SSUH2: variants seen among roughly 807,000 people sequenced by gnomAD.
SSUH2 encodes protein SSUH2 homolog.
Under a neutral mutation model 55.3 loss-of-function variants are expected in SSUH2, and 47 were observed. That is an observed-to-expected ratio of 0.85 (90% CI 0.67 to 1.08). The LOEUF is 1.08. Ranked by LOEUF, SSUH2 falls within the 50% of genes least tolerant of loss-of-function variation. The pLI is 0.00. For missense variants in SSUH2, 535 were observed against 490.7 expected, an observed-to-expected ratio of 1.09 and a Z score of -0.85; for synonymous variants, 212 against 191.5, an observed-to-expected ratio of 1.11 and a Z score of -0.89.
chr3:8,665,536 T>A (rs138763004), intron 5 of SSUH2, among the ~76,000 whole-genome samples: 5 of 152,294 alleles, frequency 3.3e-5, no homozygotes, highest in Admixed American at 2.6e-4. Context: ...ACTCAAGTCT[T>A]AGTTAAGAAA....
chr3:8,635,938 G>A (rs1699854610), intron 1 of SSUH2, 81 bp from the exon 2 acceptor site: 1 of 1,236,012 alleles, frequency 8.1e-7, no homozygotes. Flanking sequence ...GAGAAATTAG[G>A]GCGGGTGCAT....
chr3:8,633,574 TG>T, intron 4 of SSUH2, 91 bp downstream of exon 4: 2 of 1,105,546 alleles, frequency 1.8e-6, no homozygotes, highest in Non-Finnish European at 2.5e-6. Flanking sequence ...TCCTTTCCCC[TG>T]GCCACATCAC....
intron 3 of SSUH2, among the ~76,000 whole-genome samples, chr3:8,675,761 G>C (rs1241738371): frequency 2.0e-5 from 3 of 152,126 alleles, no homozygotes; most frequent in East Asian, 1.9e-4. Context: ...GGAACCTTTG[G>C]AATGGGGATC....
rs1167650698 is a variant in SSUH2 at position 8,637,043 on chromosome 3, C to T, written c.29-1186G>A. 3.3e-5 allele frequency among the ~76,000 whole-genome samples: 5 copies of T among 152,296 alleles called. No individual in the cohort carries two copies. The East Asian group carries it at 9.7e-4, about 29-fold the overall frequency. ...TTCTACTTTATGATGGTACAAAAGCCATATGCATTCATTATAAACCAAACA... is the reference window on the plus strand; with the variant it reads ...TTCTACTTTATGATGGTACAAAAGCTATATGCATTCATTATAAACCAAACA... On this transcript the variant is annotated intron_variant, in intron 1 of 11. Coordinates refer to ENST00000544814, the MANE Select transcript of SSUH2 (RefSeq NM_001256748.3).
intron 5 of SSUH2, among the ~76,000 whole-genome samples, chr3:8,664,661 A>C (rs1703817941): frequency 6.6e-6 from 1 of 152,220 alleles, no homozygotes; most frequent in South Asian, 2.1e-4. Context: ...AGGACAGCAG[A>C]GCTGGGTCTA....
chr3:8,637,723 T>G (rs922375238), intron 1 of SSUH2, among the ~76,000 whole-genome samples: 1 of 152,072 alleles, frequency 6.6e-6, no homozygotes, highest in Admixed American at 6.6e-5. Context: ...GTCACAGGAG[T>G]TGACTTCAAA....
intron 8 of SSUH2, 103 bp from the exon 9 acceptor site, chr3:8,626,424 G>T: frequency 1.2e-6 from 1 of 820,456 alleles, no homozygotes; most frequent in South Asian, 1.5e-5. Context: ...AGACTGTGGT[G>T]GGCCTGCATT....
intron 9 of SSUH2, 116 bp from the exon 10 acceptor site, chr3:8,625,763 C>T: frequency 1.5e-6 from 1 of 681,992 alleles, no homozygotes; most frequent in Non-Finnish European, 2.6e-6. Flanking sequence ...AGGGACCTTG[C>T]AACAGTTCTG....
chr3:8,648,345 G>A (rs1476135287), upstream of SSUH2, among the ~76,000 whole-genome samples: 1 of 152,176 alleles, frequency 6.6e-6, no homozygotes. Context: ...CTAGGGGAAG[G>A]AGCGTGGCAT....
chr3:8,674,806 G>A (rs1205467300), intron 3 of SSUH2, among the ~76,000 whole-genome samples: 3 of 152,014 alleles, frequency 2.0e-5, no homozygotes, highest in Admixed American at 6.5e-5. Flanking sequence ...GAGGAATGGA[G>A]ACTTTTCTGA....
intron 2 of SSUH2, among the ~76,000 whole-genome samples, chr3:8,678,505 CCG>C: frequency 7.1e-6 from 1 of 140,236 alleles, no homozygotes. Flanking sequence ...GAGGCACCCC[CCG>C]CGAGGCGGGG....
chr3:8,638,514 G>T (rs1365316433), intron 1 of SSUH2, among the ~76,000 whole-genome samples: 1 of 152,130 alleles, frequency 6.6e-6, no homozygotes, highest in Non-Finnish European at 1.5e-5. Flanking sequence ...AAACCCAAAG[G>T]CAGCATGGTT....
At chr3:8,672,380 G>A (rs1024382327) in intron 3 of SSUH2, among the ~76,000 whole-genome samples, 8 of 151,934 alleles carry the variant, frequency 5.3e-5, no homozygotes, top group Admixed American at 6.5e-5. Flanking sequence ...CACCTCCTGC[G>A]ACATGGGGGT....
In SSUH2 at chr3:8,627,800, G is replaced by A; in HGVS notation, c.589-17C>T. ...GCACCGCACCTGCAGACACACCACT[G>A]CCTCAGCCCCCGCTGGCCTCCCAGG... On this transcript the variant is annotated splice_polypyrimidine_tract_variant and intron_variant, in intron 7 of 11. Coordinates refer to ENST00000544814, the MANE Select transcript of SSUH2 (RefSeq NM_001256748.3). 6.3e-7 allele frequency: 1 copy of A among 1,599,916 alleles called. No homozygotes were observed. The highest frequency in any genetic ancestry group is 8.5e-7 in the Non-Finnish European group (1 of 1,174,120).
intron 7 of SSUH2, among the ~76,000 whole-genome samples, chr3:8,657,893 C>G (rs1439381522): frequency 6.6e-6 from 1 of 152,268 alleles, no homozygotes; most frequent in African/African-American, 2.4e-5. Context: ...GGCAGTGGGG[C>G]TGTCCCAGTC....
chr3:8,629,650 C>G lies in SSUH2; in HGVS notation c.588+14G>C, dbSNP rs201896903. ...CACCCTCACTGACTCACCAGTGGTTCACAGATGACTCACCGTGCCCGCCCC... is the reference window on the plus strand; with the variant it reads ...CACCCTCACTGACTCACCAGTGGTTGACAGATGACTCACCGTGCCCGCCCC... On this transcript the variant is annotated intron_variant, in intron 7 of 11. Coordinates refer to ENST00000544814, the MANE Select transcript of SSUH2 (RefSeq NM_001256748.3). 950 of 1,614,026 alleles carry G rather than the reference C, an allele frequency of 5.9e-4. 4 individuals are homozygous for G. The African/African-American group carries it at 0.01, about 18-fold the overall frequency.
intron 6 of SSUH2, 91 bp downstream of exon 6, chr3:8,630,714 T>C (rs1698587050): frequency 3.9e-6 from 5 of 1,268,716 alleles, no homozygotes; most frequent in Non-Finnish European, 5.1e-6. Flanking sequence ...TGGGTTTCCC[T>C]TCAAAGGATG....
intron 3 of SSUH2, among the ~76,000 whole-genome samples, chr3:8,673,367 G>C (rs912990251): frequency 1.3e-5 from 2 of 151,828 alleles, no homozygotes; most frequent in South Asian, 4.2e-4. Context: ...CCCCTCCCTC[G>C]GCTGCTCGTT....
chr3:8,658,423 C>T (rs976445937), intron 7 of SSUH2, among the ~76,000 whole-genome samples: 10 of 152,212 alleles, frequency 6.6e-5, no homozygotes, highest in Non-Finnish European at 7.3e-5. Context: ...AGCTGGTCCC[C>T]AAGGGGCAGG....
Sources: gnomAD v4.1 joint callset for allele counts (sites outside exome capture counted in the v4.1 genomes callset) on GRCh38, gnomAD v4.1.1 for gene constraint, MANE v1.5 for transcripts, NCBI Gene and HGNC (gene_info 2026-07-23, HGNC 2026-07-21) for gene names.